The following CCDC171 variants were observed in gnomAD, a reference collection of about 807,000 sequenced individuals.
CCDC171 encodes the protein coiled-coil domain containing 171.
A neutral mutation model predicts 168.2 loss-of-function variants in CCDC171; 177 were observed. The ratio of observed to expected loss-of-function variants is 1.05; its 90% CI spans 0.93 to 1.19. The LOEUF (loss-of-function observed/expected upper bound fraction) is 1.19, where lower values mean the gene tolerates loss of function less well. Among genes scored for constraint, CCDC171 ranks in the 50% most tolerant of loss-of-function variants. The probability of loss-of-function intolerance (pLI) is 0.00; values close to 1 mark genes in which losing one functional copy is unlikely to be tolerated. For synonymous variants in CCDC171, 687 were observed against 540.8 expected (o/e 1.27, Z -3.75); for missense variants, 1,991 against 1,539.0 (o/e 1.29, Z -4.91).
At chr9:15,588,369 G>T in intron 4 of CCDC171, 1 of 251,460 alleles carries the variant, frequency 4.0e-6, no homozygotes, top group Non-Finnish European at 8.3e-6. Flanking sequence ...CCAAGAGAAA[G>T]CCTGAAGGGG....
chr9:15,810,932 G>A (rs1588644799), intron 21 of CCDC171, among the ~76,000 whole-genome samples: 2 of 152,244 alleles, frequency 1.3e-5, no homozygotes, highest in Non-Finnish European at 1.5e-5. Context: ...AGCGAGCCAG[G>A]GCTGCTAGCA....
At chr9:15,966,946 T>C (rs1444477102) in intron 25 of CCDC171, among the ~76,000 whole-genome samples, 1 of 152,102 alleles carries the variant, frequency 6.6e-6, no homozygotes. Context: ...ATATATCAAG[T>C]ATATGTGTGT....
chr9:15,905,157 C>T (rs1822359849), intron 24 of CCDC171, among the ~76,000 whole-genome samples: 1 of 152,186 alleles, frequency 6.6e-6, no homozygotes, highest in African/African-American at 2.4e-5. Flanking sequence ...GAACTCAGCT[C>T]TGCACCAAGC....
intron 6 of CCDC171, among the ~76,000 whole-genome samples, chr9:15,615,484 T>G (rs915900262): frequency 2.6e-5 from 4 of 152,258 alleles, no homozygotes; most frequent in East Asian, 1.9e-4. Flanking sequence ...AAAATGTGAT[T>G]GTTAGGTCAG....
rs922508483 is a variant in CCDC171, at chr9:15,962,928, C to A, written c.3754-8681C>A. 3.3e-5 allele frequency among the ~76,000 whole-genome samples: 5 copies of A among 151,330 alleles called. No individual in the cohort carries two copies. In the South Asian group the frequency reaches 8.3e-4, roughly 25 times the overall value. ...ATGTATATATATATACACATAAACACATGTATACATTTTGAACATGTTTTT... is the reference window on the plus strand; with the variant it reads ...ATGTATATATATATACACATAAACAAATGTATACATTTTGAACATGTTTTT... On this transcript the variant is annotated intron_variant, in intron 25 of 25. Coordinates refer to ENST00000380701, the MANE Select transcript of CCDC171 (RefSeq NM_173550.4).
chr9:15,725,314 G>A (rs547072335), intron 14 of CCDC171, among the ~76,000 whole-genome samples: 1 of 152,266 alleles, frequency 6.6e-6, no homozygotes, highest in South Asian at 2.1e-4. Context: ...TCAGTAGCTT[G>A]GTAGATTGAT....
intron 8 of CCDC171, among the ~76,000 whole-genome samples, chr9:15,658,984 A>G (rs933370903): frequency 4.6e-5 from 7 of 152,204 alleles, no homozygotes; most frequent in Non-Finnish European, 1.0e-4. Context: ...GGGAAGGAGC[A>G]ATAGAAGAGA....
intron 1 of CCDC171, 88 bp from the exon 2 acceptor site, chr9:15,563,890 C>T (rs755357983): frequency 5.7e-6 from 3 of 530,042 alleles, no homozygotes; most frequent in Non-Finnish European, 6.6e-6. Context: ...TCAATTATTA[C>T]ATCTTTCCAA....
At chr9:16,035,386 G>T (rs889007134) in intron 6 of CCDC171, 1 of 152,104 alleles carries the variant, frequency 6.6e-6, no homozygotes, top group Non-Finnish European at 1.5e-5. Flanking sequence ...TAAGAGAATT[G>T]TCTTCTTTTT....
At chr9:15,830,445 A>G (rs866308927) in intron 21 of CCDC171, among the ~76,000 whole-genome samples, 2 of 152,242 alleles carry the variant, frequency 1.3e-5, no homozygotes, top group South Asian at 2.1e-4. Context: ...AGGAAAGCAT[A>G]TTAAGAAACA....
At chr9:15,763,666 A>G (rs972879145) in intron 18 of CCDC171, among the ~76,000 whole-genome samples, 1 of 152,158 alleles carries the variant, frequency 6.6e-6, no homozygotes, top group East Asian at 1.9e-4. Context: ...CTACCCATAC[A>G]ATATATATTC....
At chr9:15,996,319 A>ACACCTGCC (rs1437690938) in intron 3 of CCDC171, among the ~76,000 whole-genome samples, 1 of 151,594 alleles carries the variant, frequency 6.6e-6, no homozygotes, top group African/African-American at 2.4e-5. Flanking sequence ...CCTGGCCGGC[A>ACACCTGCC]CACCTGCCAT....
intron 9 of CCDC171, among the ~76,000 whole-genome samples, chr9:15,672,961 A>C (rs956120155): frequency 6.6e-6 from 1 of 152,162 alleles, no homozygotes; most frequent in Admixed American, 6.5e-5. Context: ...AGCCATTTTC[A>C]TGATATTGAT....
chr9:15,556,008 T>C (rs940806817), intron 1 of CCDC171, among the ~76,000 whole-genome samples: 3 of 152,192 alleles, frequency 2.0e-5, no homozygotes, highest in Non-Finnish European at 1.5e-5. Flanking sequence ...ACAAAGGACA[T>C]GAACTCATCC....
intron 18 of CCDC171, among the ~76,000 whole-genome samples, chr9:15,756,758 C>G (rs1470171491): frequency 6.6e-6 from 1 of 152,180 alleles, no homozygotes; most frequent in Non-Finnish European, 1.5e-5. Flanking sequence ...GTGGGAGAGA[C>G]CTGGTGGGAG....
At chr9:15,627,617 G>C (rs564133449) in intron 7 of CCDC171, among the ~76,000 whole-genome samples, 1 of 152,316 alleles carries the variant, frequency 6.6e-6, no homozygotes, top group East Asian at 1.9e-4. Flanking sequence ...TTTCCACGTA[G>C]TTGAGTGGTT....
intron 20 of CCDC171, among the ~76,000 whole-genome samples, chr9:15,783,776 A>T (rs577867283): frequency 6.6e-6 from 1 of 152,192 alleles, no homozygotes; most frequent in Admixed American, 6.5e-5. Flanking sequence ...CAGTCATGAT[A>T]TTGTAAAAAC....
chr9:15,811,314 G>C (rs2059346573), intron 21 of CCDC171, among the ~76,000 whole-genome samples: 1 of 152,138 alleles, frequency 6.6e-6, no homozygotes, highest in Admixed American at 6.5e-5. Context: ...ACTATAATTA[G>C]ATACAGCATA....
intron 18 of CCDC171, among the ~76,000 whole-genome samples, chr9:15,755,155 T>C (rs1018137631): frequency 6.6e-6 from 1 of 152,114 alleles, no homozygotes; most frequent in African/African-American, 2.4e-5. Context: ...ATAGGAAGTC[T>C]AGAGGTAAGT....
Sources: gnomAD v4.1 joint callset for allele counts (sites outside exome capture counted in the v4.1 genomes callset) on GRCh38, gnomAD v4.1.1 for gene constraint, MANE v1.5 for transcripts, NCBI Gene and HGNC (gene_info 2026-07-23, HGNC 2026-07-21) for gene names.